NOL10: variants seen among roughly 807,000 people sequenced by gnomAD.
The protein encoded by NOL10 is H_NH0074G24.1.
NOL10 carries 58 observed loss-of-function variants against 103.5 expected under a neutral mutation model. The observed-to-expected ratio is 0.56, with a 90% CI of 0.45 to 0.70. The LOEUF (loss-of-function observed/expected upper bound fraction) is 0.70, where lower values mean the gene tolerates loss of function less well. NOL10 is among the 30% of genes least tolerant of loss of function. NOL10 has a pLI of 0.00. For missense variants in NOL10, 763 were observed against 807.3 expected, an observed-to-expected ratio of 0.95 and a Z score of 0.67; for synonymous variants, 287 against 282.5, an observed-to-expected ratio of 1.02 and a Z score of -0.16.
intron 13 of NOL10, among the ~76,000 whole-genome samples, chr2:10,608,376 C>T (rs1271646584): frequency 6.6e-6 from 1 of 152,178 alleles, no homozygotes; most frequent in Admixed American, 6.5e-5. Flanking sequence ...TCATAAAATA[C>T]TATGATCACT....
At chr2:10,655,252 A>G (rs539545666) in intron 11 of NOL10, among the ~76,000 whole-genome samples, 77 of 151,688 alleles carry the variant, frequency 5.1e-4, no homozygotes, top group African/African-American at 1.7e-3. Flanking sequence ...AGGAAGGAAG[A>G]AAGGAAAGAA....
chr2:10,598,194 G>A (rs147586676), intron 17 of NOL10, among the ~76,000 whole-genome samples: 2 of 152,210 alleles, frequency 1.3e-5, no homozygotes, highest in South Asian at 2.1e-4. Context: ...AAATCCCTAC[G>A]TAAATAATGG....
intron 12 of NOL10, among the ~76,000 whole-genome samples, chr2:10,647,496 G>A (rs112643654): frequency 5.9e-5 from 9 of 152,326 alleles, no homozygotes; most frequent in Middle Eastern, 3.4e-3. Context: ...TTTTACAGAC[G>A]TATCAACGTG....
At chr2:10,674,884 C>G (rs989044942) in intron 4 of NOL10, among the ~76,000 whole-genome samples, 3 of 151,692 alleles carry the variant, frequency 2.0e-5, no homozygotes, top group Non-Finnish European at 4.4e-5. Context: ...CTCTGGCTGG[C>G]AGCAGAAGAA....
At chr2:10,599,396 G>A (rs1218984329) in intron 17 of NOL10, among the ~76,000 whole-genome samples, 1 of 152,172 alleles carries the variant, frequency 6.6e-6, no homozygotes, top group East Asian at 1.9e-4. Context: ...CTTAGGCTTA[G>A]CTAACAAGAA....
intron 1 of NOL10, among the ~76,000 whole-genome samples, chr2:10,686,794 G>A (rs1008505270): frequency 6.6e-6 from 1 of 152,066 alleles, no homozygotes; most frequent in East Asian, 1.9e-4. Context: ...CAGCTTGCGG[G>A]ATGGAGTTGC....
chr2:10,637,205 A>AAAAC (rs1283720416), intron 13 of NOL10, among the ~76,000 whole-genome samples: 1 of 150,628 alleles, frequency 6.6e-6, no homozygotes, highest in African/African-American at 2.4e-5. Context: ...AAAAAAAAAA[A>AAAAC]AAAAAAAACA....
chr2:10,619,504 A>G (rs926781712), intron 13 of NOL10, among the ~76,000 whole-genome samples: 5 of 152,134 alleles, frequency 3.3e-5, no homozygotes, highest in African/African-American at 1.2e-4. Flanking sequence ...CATGAAACTC[A>G]CTCATAAAAC....
chr2:10,620,962 A>G (rs1677108381), intron 13 of NOL10, among the ~76,000 whole-genome samples: 1 of 151,908 alleles, frequency 6.6e-6, no homozygotes, highest in Admixed American at 6.6e-5. Flanking sequence ...TGCCAGGCGA[A>G]TTTTCTGTAT....
chr2:10,658,784 G>A (rs2148317593), intron 10 of NOL10, among the ~76,000 whole-genome samples: 1 of 152,266 alleles, frequency 6.6e-6, no homozygotes, highest in Middle Eastern at 3.4e-3. Context: ...CCACTAACAA[G>A]AGAATACCTA....
intron 20 of NOL10, 45 bp downstream of exon 20, chr2:10,577,591 A>T: frequency 7.2e-7 from 1 of 1,396,970 alleles, no homozygotes; most frequent in Non-Finnish European, 1.0e-6. Flanking sequence ...TTGAAAGGCT[A>T]TTTTTCTTTT....
chr2:10,649,167 G>GAGTGATTC (rs1189091445), intron 12 of NOL10, among the ~76,000 whole-genome samples: 1 of 151,860 alleles, frequency 6.6e-6, no homozygotes, highest in African/African-American at 2.4e-5. Context: ...GCTGGCTTTC[G>GAGTGATTC]AGTGATTCCA....
intron 13 of NOL10, among the ~76,000 whole-genome samples, chr2:10,639,018 G>T (rs1678518345): frequency 6.7e-6 from 1 of 149,982 alleles, no homozygotes; most frequent in South Asian, 2.1e-4. Flanking sequence ...TGCTAGGCTG[G>T]TCTCAAACTC....
intron 4 of NOL10, among the ~76,000 whole-genome samples, chr2:10,674,038 AT>A (rs1681125143): frequency 6.7e-6 from 1 of 148,568 alleles, no homozygotes; most frequent in African/African-American, 2.5e-5. Flanking sequence ...CCCTATCACT[AT>A]GGGAAAGAAA....
At chr2:10,609,462 C>T (rs889244980) in intron 13 of NOL10, among the ~76,000 whole-genome samples, 6 of 147,556 alleles carry the variant, frequency 4.1e-5, no homozygotes, top group Non-Finnish European at 8.9e-5. Context: ...AAATCAGGCG[C>T]GGTGGCGGAT....
intron 3 of NOL10, among the ~76,000 whole-genome samples, chr2:10,679,058 A>G (rs911095912): frequency 2.0e-5 from 3 of 152,024 alleles, no homozygotes; most frequent in African/African-American, 7.2e-5. Context: ...CCCCATCTCC[A>G]TTTAAAAAAT....
At chr2:10,671,409 C>CT (rs5829273) in intron 6 of NOL10, 145 bp downstream of exon 6, 24,861 of 457,760 alleles carry the variant, frequency 0.054, 402 homozygotes, top group African/African-American at 0.15. Context: ...GTTTTCTTTT[C>CT]TTTTTTTTTT....
intron 13 of NOL10, among the ~76,000 whole-genome samples, chr2:10,639,383 T>C (rs563211674): frequency 1.4e-3 from 220 of 152,228 alleles, no homozygotes; most frequent in South Asian, 4.1e-3. Flanking sequence ...GATCCTGCCA[T>C]TGCACTCCAG....
At chr2:10,590,138 C>T (rs907044938) in intron 17 of NOL10, among the ~76,000 whole-genome samples, 7 of 152,112 alleles carry the variant, frequency 4.6e-5, no homozygotes, top group South Asian at 2.1e-4. Flanking sequence ...TTTAGAGATA[C>T]GGTCTCACTC....
Sources: gnomAD v4.1 joint callset for allele counts (sites outside exome capture counted in the v4.1 genomes callset) on GRCh38, gnomAD v4.1.1 for gene constraint, MANE v1.5 for transcripts, NCBI Gene and HGNC (gene_info 2026-07-23, HGNC 2026-07-21) for gene names.